CAMTA1: variants seen among roughly 807,000 people sequenced by gnomAD.
CAMTA1 encodes calmodulin binding transcription activator 1.
A neutral mutation model predicts 170.9 loss-of-function variants in CAMTA1; 27 were observed. That is an observed-to-expected ratio of 0.16 (90% CI 0.12 to 0.22). The LOEUF is 0.22. CAMTA1 is among the 10% of genes least tolerant of loss of function. The pLI is 1.00. For missense variants in CAMTA1, 1,619 were observed against 2,217.2 expected (o/e 0.73, Z 5.42); for synonymous variants, 833 against 891.5 (o/e 0.93, Z 1.17).
chr1:7,160,701 A>G (rs1463547696), intron 4 of CAMTA1, among the ~76,000 whole-genome samples: 1 of 152,192 alleles, frequency 6.6e-6, no homozygotes, highest in Non-Finnish European at 1.5e-5. Flanking sequence ...TGTTTCAATG[A>G]TGACACACAG....
chr1:6,829,151 C>T (rs993561384), intron 3 of CAMTA1, among the ~76,000 whole-genome samples: 1 of 152,164 alleles, frequency 6.6e-6, no homozygotes, highest in Admixed American at 6.5e-5. Flanking sequence ...GATCTACCCG[C>T]TTCAGCCTCC....
At chr1:7,457,523 A>G (rs1036421064) in intron 5 of CAMTA1, among the ~76,000 whole-genome samples, 1 of 151,554 alleles carries the variant, frequency 6.6e-6, no homozygotes, top group South Asian at 2.1e-4. Context: ...GCTGTGTCCC[A>G]TGCCCCTCAG....
At chr1:6,858,968 A>G (rs1663576857) in intron 3 of CAMTA1, among the ~76,000 whole-genome samples, 1 of 152,212 alleles carries the variant, frequency 6.6e-6, no homozygotes, top group Non-Finnish European at 1.5e-5. Flanking sequence ...CCTTTTTGCC[A>G]TAGATTGCTG....
intron 7 of CAMTA1, among the ~76,000 whole-genome samples, chr1:7,651,024 C>T (rs546349851): frequency 1.7e-3 from 256 of 152,290 alleles, no homozygotes; most frequent in African/African-American, 5.3e-3. Flanking sequence ...AGGCACGTGG[C>T]CGCTCCCTCT....
chr1:7,118,936 A>G (rs1644491752), intron 4 of CAMTA1, among the ~76,000 whole-genome samples: 1 of 152,212 alleles, frequency 6.6e-6, no homozygotes, highest in African/African-American at 2.4e-5. Context: ...GCTGATTTTT[A>G]TGCTGAAGAG....
intron 6 of CAMTA1, among the ~76,000 whole-genome samples, chr1:7,637,513 T>C (rs1416939307): frequency 6.6e-6 from 1 of 152,194 alleles, no homozygotes; most frequent in Non-Finnish European, 1.5e-5. Context: ...ACACAGTGAA[T>C]CACCCCGTCT....
intron 4 of CAMTA1, among the ~76,000 whole-genome samples, chr1:7,127,266 T>TTC (rs1644992564): frequency 6.8e-6 from 1 of 147,788 alleles, no homozygotes; most frequent in Admixed American, 6.7e-5. Flanking sequence ...TTTTTTTTTT[T>TTC]TTTTGCTAGC....
intron 4 of CAMTA1, among the ~76,000 whole-genome samples, chr1:7,191,109 T>C (rs1654437623): frequency 1.3e-5 from 2 of 152,240 alleles, no homozygotes; most frequent in African/African-American, 4.8e-5. Context: ...TTGGCTTTAT[T>C]TGAACACAGC....
chr1:6,952,933 C>T (rs1688759221), intron 3 of CAMTA1, among the ~76,000 whole-genome samples: 1 of 152,188 alleles, frequency 6.6e-6, no homozygotes, highest in South Asian at 2.1e-4. Context: ...TCCCCCGGAT[C>T]TCATCACCCA....
chr1:6,810,491 C>T (rs564280837), intron 1 of CAMTA1, among the ~76,000 whole-genome samples: 1 of 152,290 alleles, frequency 6.6e-6, no homozygotes, highest in East Asian at 1.9e-4. Flanking sequence ...AGCCCACACT[C>T]CGGGGGAGGG....
chr1:7,055,948 C>G (rs1707260455), intron 3 of CAMTA1, among the ~76,000 whole-genome samples: 1 of 152,062 alleles, frequency 6.6e-6, no homozygotes, highest in Admixed American at 6.5e-5. Context: ...GAGGGCTGGT[C>G]AGAGGTACCC....
In CAMTA1 at chr1:7,570,776, C is replaced by T. The variant is rs1157670393; in HGVS notation, c.511-69624C>T. On this transcript the variant is annotated intron_variant, in intron 6 of 22. Transcript: ENST00000303635. The surrounding 1 kb of genome is among the most constrained non-coding windows in gnomAD (Gnocchi z 4.3). The stretch of plus-strand genomic sequence containing the variant: ...ACCTCTGCTCTCCATCACCCCCCAC[C>T]GCAGAGGGAAAATCAGTGTTATCAT... 2.6e-5 allele frequency among the ~76,000 whole-genome samples: 4 copies of T among 152,296 alleles called. No homozygotes were observed. The highest frequency in any genetic ancestry group is 1.9e-4 in the East Asian group (1 of 5,170).
intron 6 of CAMTA1, among the ~76,000 whole-genome samples, chr1:7,556,699 G>A (rs1206647939): frequency 2.0e-5 from 3 of 152,052 alleles, no homozygotes; most frequent in Non-Finnish European, 4.4e-5. Context: ...GTCTGCCTGG[G>A]CCATCCACCT....
At chr1:7,719,272 T>C (rs978159900) in intron 11 of CAMTA1, among the ~76,000 whole-genome samples, 4 of 152,172 alleles carry the variant, frequency 2.6e-5, no homozygotes, top group South Asian at 4.1e-4. Context: ...CCTTGGAGAA[T>C]AGGTTTGAGA....
Position 7,592,630 on chromosome 1 carries a change from G to A in CAMTA1, c.511-47770G>A, listed in dbSNP as rs2095363880. ...CCTACCAGTGCGGAATGAGTGGGGA[G>A]TGTCCAGGCGTTGCTGCATGAGTTG... On this transcript the variant is annotated intron_variant, in intron 6 of 22. Transcript: ENST00000303635. The surrounding 1 kb of genome is among the most constrained non-coding windows in gnomAD (Gnocchi z 4.6). Among the ~76,000 whole-genome samples, 1 of 152,182 alleles carries A rather than the reference G, an allele frequency of 6.6e-6. No homozygotes were observed. Among genetic ancestry groups the A allele is most frequent in the Non-Finnish European group, 1.5e-5 (1 of 68,042 alleles).
chr1:7,733,062 C>A (rs1011423634), intron 12 of CAMTA1, among the ~76,000 whole-genome samples: 7 of 151,926 alleles, frequency 4.6e-5, no homozygotes, highest in Non-Finnish European at 1.0e-4. Flanking sequence ...ATTAGCCAGG[C>A]GTGGTGGGAC....
In CAMTA1 at chr1:7,333,427, A is replaced by G. The variant is rs781661661; in HGVS notation, c.438+83801A>G. On this transcript the variant is annotated intron_variant, in intron 5 of 22. Transcript: ENST00000303635. This position sits in a 1 kb window ranked among gnomAD's most constrained non-coding sequence, Gnocchi z 4.4. ...GCCTTCCTGCAAGGTCACAGGTGGA[A>G]CAGGTGGAGAGAACACACCGTTCTC... Among the ~76,000 whole-genome samples the G allele has an allele frequency of 1.3e-5, 2 of 152,214 alleles. No individual in the cohort carries two copies. Among genetic ancestry groups the G allele is most frequent in the Non-Finnish European group, 2.9e-5 (2 of 68,034 alleles).
chr1:7,361,536 C>T (rs140187224), intron 5 of CAMTA1, among the ~76,000 whole-genome samples: 2 of 152,358 alleles, frequency 1.3e-5, no homozygotes, highest in African/African-American at 4.8e-5. Flanking sequence ...GAGATCCTCC[C>T]TGCTAGCTGT....
intron 6 of CAMTA1, among the ~76,000 whole-genome samples, chr1:7,617,169 G>A (rs541325955): frequency 2.0e-5 from 3 of 152,290 alleles, no homozygotes; most frequent in African/African-American, 4.8e-5. Context: ...CCAGCCAAGC[G>A]GCTGCTGTGG....
Sources: gnomAD v4.1 joint callset for allele counts (sites outside exome capture counted in the v4.1 genomes callset) on GRCh38, gnomAD v4.1.1 for gene constraint, Gnocchi (gnomAD v3.1) non-coding constraint, MANE v1.5 for transcripts, NCBI Gene and HGNC (gene_info 2026-07-23, HGNC 2026-07-21) for gene names.